The following CD300LD variants were observed in gnomAD, a reference collection of about 807,000 sequenced individuals.
CD300LD encodes the protein CD300 molecule like family member d, also known as CMRF35-like molecule 5.
A neutral mutation model predicts 20.3 loss-of-function variants in CD300LD; 18 were observed. The observed-to-expected ratio is 0.89, with a 90% CI of 0.61 to 1.32. The LOEUF (loss-of-function observed/expected upper bound fraction) is 1.32, where lower values mean the gene tolerates loss of function less well. Among genes scored for constraint, CD300LD ranks in the 40% most tolerant of loss-of-function variants. The probability of loss-of-function intolerance (pLI) is 0.00; values close to 1 mark genes in which losing one functional copy is unlikely to be tolerated. For synonymous variants in CD300LD, 104 were observed against 90.1 expected (o/e 1.15, Z -0.87); for missense variants, 195 against 226.6 (o/e 0.86, Z 0.90).
At chr17:74,582,692 C>T (rs908636848) in intron 2 of CD300LD, among the ~76,000 whole-genome samples, 1 of 152,016 alleles carries the variant, frequency 6.6e-6, no homozygotes, top group African/African-American at 2.4e-5. Flanking sequence ...CTCGCTGAGC[C>T]ACTTCTGGAG....
intron 2 of CD300LD, among the ~76,000 whole-genome samples, chr17:74,583,761 T>C (rs1445441680): frequency 6.8e-6 from 1 of 147,472 alleles, no homozygotes; most frequent in Non-Finnish European, 1.5e-5. Flanking sequence ...TTTTTTTTTT[T>C]TTTTTTTTTG....
chr17:74,590,514 A>C (rs2030285372), intron 1 of CD300LD: 1 of 151,748 alleles, frequency 6.6e-6, no homozygotes, highest in African/African-American at 2.4e-5. Flanking sequence ...GTCTTGAAAA[A>C]CCAGGGTCAC....
intron 3 of CD300LD, among the ~76,000 whole-genome samples, chr17:74,581,375 G>A (rs2030032874): frequency 6.6e-6 from 1 of 152,216 alleles, no homozygotes; most frequent in South Asian, 2.1e-4. Context: ...AGCAGGAGCA[G>A]GACGGTCTGT....
chr17:74,583,528 A>G (rs930521847), intron 2 of CD300LD, among the ~76,000 whole-genome samples: 1 of 152,092 alleles, frequency 6.6e-6, no homozygotes, highest in African/African-American at 2.4e-5. Context: ...TACGCCACCC[A>G]GTCTGTGGTA....
intron 2 of CD300LD, among the ~76,000 whole-genome samples, chr17:74,582,958 A>G (rs1227543284): frequency 6.6e-6 from 1 of 152,242 alleles, no homozygotes; most frequent in Non-Finnish European, 1.5e-5. Context: ...ATAATAAGAG[A>G]TCACAGCATC....
At chr17:74,587,453 T>C (rs564633979) in intron 2 of CD300LD, among the ~76,000 whole-genome samples, 51 of 152,344 alleles carry the variant, frequency 3.3e-4, no homozygotes, top group Admixed American at 7.2e-4. Context: ...ATGTTAGTAA[T>C]TTATATCTTT....
chr17:74,590,124 T>C (rs1272675575), intron 1 of CD300LD, among the ~76,000 whole-genome samples: 1 of 152,184 alleles, frequency 6.6e-6, no homozygotes, highest in Admixed American at 6.5e-5. Context: ...TGGGGCGGTT[T>C]CCCCCACATT....
chr17:74,580,470 C>A (rs1245568643), intron 3 of CD300LD, among the ~76,000 whole-genome samples: 9 of 152,266 alleles, frequency 5.9e-5, no homozygotes, highest in African/African-American at 2.2e-4. Context: ...CCTCTCCGCC[C>A]TCATCGCTGC....
chr17:74,591,959 G>A (rs2030330037), intron 1 of CD300LD: 4 of 1,449,070 alleles, frequency 2.8e-6, no homozygotes, highest in East Asian at 4.7e-5. Context: ...TACTTGTTTT[G>A]TTTTGTGTGT....
chr17:74,587,194 G>A (rs1253868902), intron 2 of CD300LD, among the ~76,000 whole-genome samples: 1 of 151,964 alleles, frequency 6.6e-6, no homozygotes, highest in Non-Finnish European at 1.5e-5. Flanking sequence ...CTCACCAAAG[G>A]GCCATCTGAG....
At position 74,592,273 on chromosome 17, in the gene CD300LD, CG is replaced by C. The variant is rs773329952; in HGVS notation, c.-72del. 6 of 1,613,754 alleles carry C rather than the reference CG, an allele frequency of 3.7e-6. No homozygotes were observed. The African/African-American group carries it at 8.0e-5, about 22-fold the overall frequency. Reference sequence around the variant, plus strand: ...CCCTTCAGGGACTTGAATCCAAGCTCGGAAGTCAACACCGCAAACCTACTCG... The same window carrying C: ...CCCTTCAGGGACTTGAATCCAAGCTCGAAGTCAACACCGCAAACCTACTCG... On this transcript the variant is annotated 5_prime_UTR_variant, in exon 1 of 4. Coordinates refer to ENST00000375352, the MANE Select transcript of CD300LD (RefSeq NM_001115152.2).
At chr17:74,589,473 C>T (rs1906623926) in intron 1 of CD300LD, among the ~76,000 whole-genome samples, 1 of 152,174 alleles carries the variant, frequency 6.6e-6, no homozygotes, top group Non-Finnish European at 1.5e-5. Context: ...TAGGTATAAA[C>T]AGAGCAGCAC....
chr17:74,582,605 T>A (rs1291218008), intron 2 of CD300LD, among the ~76,000 whole-genome samples: 2 of 152,248 alleles, frequency 1.3e-5, no homozygotes, highest in African/African-American at 4.8e-5. Context: ...CTAGCTCTTT[T>A]CTGAGTCTCG....
At chr17:74,592,063 T>C in intron 1 of CD300LD, 100 bp downstream of exon 1, 1 of 1,609,830 alleles carries the variant, frequency 6.2e-7, no homozygotes, top group Non-Finnish European at 8.5e-7. Context: ...GAATTGGCGC[T>C]GTCATTTTCC....
chr17:74,588,710 G>A lies in CD300LD; in HGVS notation c.180C>T (p.Tyr60=). The change falls in exon 2 of 4, where the codon TAC becomes TAT. Residue 60 remains tyrosine, a synonymous_variant. Coordinates refer to ENST00000375352, the MANE Select transcript of CD300LD (RefSeq NM_001115152.2). The part of the protein sequence containing the change: ...KWRCQGADWN[Y]CNILVKTNGS... ...CATTTGTTTTAACAAGGATGTTACA[G>A]TAATTCCAATCAGCTCCTTGACACC... 1 of 1,614,168 alleles carries A rather than the reference G, an allele frequency of 6.2e-7. No homozygotes were observed. Among genetic ancestry groups the A allele is most frequent in the South Asian group, 1.1e-5 (1 of 91,082 alleles).
At chr17:74,590,186 A>T (rs193300510) in intron 1 of CD300LD, among the ~76,000 whole-genome samples, 79 of 152,252 alleles carry the variant, frequency 5.2e-4, no homozygotes, top group African/African-American at 1.7e-3. Flanking sequence ...TTATAATGGG[A>T]AACCTCTTTC....
intron 2 of CD300LD, among the ~76,000 whole-genome samples, chr17:74,587,767 G>A (rs2143290135): frequency 1.3e-5 from 2 of 152,212 alleles, no homozygotes; most frequent in Middle Eastern, 3.4e-3. Flanking sequence ...ACCAGGGAAG[G>A]GGGTCCCTTT....
intron 2 of CD300LD, among the ~76,000 whole-genome samples, chr17:74,583,757 T>C (rs1354225545): frequency 2.1e-5 from 3 of 145,904 alleles, no homozygotes; most frequent in Non-Finnish European, 4.5e-5. Context: ...CACTTTTTTT[T>C]TTTTTTTTTT....
intron 1 of CD300LD, among the ~76,000 whole-genome samples, chr17:74,589,096 G>A (rs1163942400): frequency 1.3e-5 from 2 of 152,166 alleles, no homozygotes; most frequent in African/African-American, 4.8e-5. Flanking sequence ...ATAGCTTCCT[G>A]CAGTTCACCC....
Sources: gnomAD v4.1 joint callset for allele counts (sites outside exome capture counted in the v4.1 genomes callset) on GRCh38, gnomAD v4.1.1 for gene constraint, MANE v1.5 for transcripts, NCBI Gene and HGNC (gene_info 2026-07-23, HGNC 2026-07-21) for gene names.